The following DIAPH2 variants were observed in gnomAD, a reference collection of about 807,000 sequenced individuals.
DIAPH2 encodes the protein diaphanous related formin 2, also known as protein diaphanous homolog 2.
Under a neutral mutation model 92.7 loss-of-function variants are expected in DIAPH2, and 35 were observed. That is an observed-to-expected ratio of 0.38 (90% CI 0.29 to 0.50). The LOEUF (loss-of-function observed/expected upper bound fraction) is 0.50. DIAPH2 is among the 20% of genes least tolerant of loss of function. DIAPH2 has a pLI of 0.94. For synonymous variants in DIAPH2, 301 were observed against 280.4 expected (o/e 1.07, Z -0.73); for missense variants, 701 against 819.5 (o/e 0.86, Z 1.77).
Position 97,601,446 on chromosome X carries a change from T to TTA in DIAPH2, c.*2129_*2130insTA, listed in dbSNP as rs1556277245. 9.6e-6 allele frequency: 1 copy of TTA among 104,512 alleles called. No homozygotes were observed. The highest frequency in any genetic ancestry group is 4.3e-4 in the South Asian group (1 of 2,315). The allele number at this position is 104,512 out of a possible 1,213,427, so 8.6% of individuals were successfully genotyped here. The stretch of plus-strand genomic sequence containing the variant: ...AATCCCACATGCTTTTCACAAACAT[T>TTA]AAAAAAAAAAACCTTTCAGGGTCTT... On this transcript the variant is annotated 3_prime_UTR_variant, in exon 27 of 27. Coordinates refer to ENST00000324765, the MANE Select transcript of DIAPH2 (RefSeq NM_006729.5).
chrX:96,993,605 C>T (rs2066086240), intron 17 of DIAPH2, among the ~76,000 whole-genome samples: 1 of 111,340 alleles, frequency 9.0e-6, no homozygotes, highest in African/African-American at 3.3e-5. Context: ...GAGAAATCTG[C>T]CCCCATGATG....
chrX:96,842,079 G>A (rs2064940368), intron 4 of DIAPH2, among the ~76,000 whole-genome samples: 1 of 110,946 alleles, frequency 9.0e-6, no homozygotes, highest in Admixed American at 9.6e-5. Context: ...GTTATTTCAG[G>A]CCATCTGGAC....
chrX:97,354,904 A>G (rs1432496210), intron 24 of DIAPH2, among the ~76,000 whole-genome samples: 1 of 112,486 alleles, frequency 8.9e-6, no homozygotes, highest in African/African-American at 3.2e-5. Flanking sequence ...TGGAAGCACC[A>G]TATGAAAATT....
intron 9 of DIAPH2, 93 bp downstream of exon 9, chrX:96,918,710 G>A: frequency 1.6e-6 from 1 of 609,078 alleles, no homozygotes; most frequent in Non-Finnish European, 2.5e-6. Context: ...CATTTAAGTA[G>A]TATGGAATGT....
rs1281039560 is a variant in DIAPH2, at chrX:96,962,354, C to CAT, written c.1936-2729_1936-2728dup. 1.1e-3 allele frequency among the ~76,000 whole-genome samples: 48 copies of CAT among 42,136 alleles called. 1 individual carries two copies. Among genetic ancestry groups the CAT allele is most frequent in the African/African-American group, 3.4e-3 (39 of 11,323 alleles). The allele number at this position is 42,136 out of a possible 115,157, so 36.6% of individuals were successfully genotyped here. On this transcript the variant is annotated intron_variant, in intron 16 of 26. Coordinates refer to ENST00000324765, the MANE Select transcript of DIAPH2 (RefSeq NM_006729.5). Reference sequence around the variant, plus strand: ...ATATATATACATATATATATATACACATATATATATACACATATATATATA... The same window carrying CAT: ...ATATATATACATATATATATATACACATATATATATATACACATATATATATA...
chrX:96,686,716 G>A (rs1030785148), intron 1 of DIAPH2, among the ~76,000 whole-genome samples: 3 of 111,715 alleles, frequency 2.7e-5, no homozygotes, highest in African/African-American at 9.7e-5. Flanking sequence ...ATGTGTCAGA[G>A]TTAACAAAAA....
intron 22 of DIAPH2, among the ~76,000 whole-genome samples, chrX:97,160,082 A>G (rs774218518): frequency 0.021 from 1,117 of 53,688 alleles, 4 homozygotes; most frequent in Non-Finnish European, 0.03. Context: ...GTTTAAGGGG[A>G]TTCATAAAAG....
intron 21 of DIAPH2, among the ~76,000 whole-genome samples, chrX:97,123,504 G>A (rs768283838): frequency 1.8e-5 from 2 of 112,443 alleles, no homozygotes; most frequent in East Asian, 5.6e-4. Context: ...TTTAATTGCT[G>A]TATGTTATTC....
chrX:96,870,911 T>G (rs1031151190), intron 4 of DIAPH2, among the ~76,000 whole-genome samples: 23 of 112,112 alleles, frequency 2.1e-4, no homozygotes, highest in Non-Finnish European at 2.3e-4. Flanking sequence ...TAAACTTGCT[T>G]TGTTACACTG....
intron 21 of DIAPH2, among the ~76,000 whole-genome samples, chrX:97,130,564 A>C (rs987019916): frequency 8.9e-6 from 1 of 112,055 alleles, no homozygotes; most frequent in Non-Finnish European, 1.9e-5. Context: ...TCAAATTTGT[A>C]GAGACAAAAA....
At chrX:97,158,622 G>C (rs1210868146) in intron 22 of DIAPH2, among the ~76,000 whole-genome samples, 1 of 112,233 alleles carries the variant, frequency 8.9e-6, no homozygotes, top group African/African-American at 3.2e-5. Flanking sequence ...AAAGAAAAAA[G>C]AAATCACTCC....
chrX:96,836,711 ATAT>A (rs2064892313), intron 4 of DIAPH2, among the ~76,000 whole-genome samples: 1 of 24,252 alleles, frequency 4.1e-5, no homozygotes, highest in Non-Finnish European at 7.1e-5. Context: ...ATATATATAT[ATAT>A]ATATTTTTTT....
At chrX:97,113,364 T>C (rs1008019761) in intron 20 of DIAPH2, among the ~76,000 whole-genome samples, 16 of 111,751 alleles carry the variant, frequency 1.4e-4, no homozygotes, top group African/African-American at 5.2e-4. Flanking sequence ...AGGTGGCGTG[T>C]TTTATAGTTG....
At chrX:96,701,850 T>C (rs1042485165) in intron 1 of DIAPH2, among the ~76,000 whole-genome samples, 1 of 111,753 alleles carries the variant, frequency 8.9e-6, no homozygotes, top group Non-Finnish European at 1.9e-5. Flanking sequence ...CTACAGTATT[T>C]CAGGTGTTGT....
intron 4 of DIAPH2, among the ~76,000 whole-genome samples, chrX:96,836,915 G>A (rs2064898488): frequency 1.0e-5 from 1 of 100,447 alleles, no homozygotes; most frequent in Admixed American, 1.1e-4. Flanking sequence ...TTTTAGTAGA[G>A]ACGGGGTTTC....
At chrX:97,444,740 A>G (rs747417385) in intron 26 of DIAPH2, among the ~76,000 whole-genome samples, 2 of 112,047 alleles carry the variant, frequency 1.8e-5, no homozygotes, top group Non-Finnish European at 3.8e-5. Flanking sequence ...ATATTTGTGG[A>G]TTTAATTCTA....
intron 26 of DIAPH2, among the ~76,000 whole-genome samples, chrX:97,563,567 A>G (rs1157389129): frequency 8.9e-6 from 1 of 111,789 alleles, no homozygotes; most frequent in African/African-American, 3.3e-5. Context: ...AGGAAACTAA[A>G]GTAGGAGAGT....
chrX:97,485,194 A>G (rs750185415), intron 26 of DIAPH2, among the ~76,000 whole-genome samples: 1 of 112,027 alleles, frequency 8.9e-6, no homozygotes, highest in Non-Finnish European at 1.9e-5. Context: ...TCACACCCAA[A>G]GATAATTCAT....
intron 23 of DIAPH2, among the ~76,000 whole-genome samples, chrX:97,314,591 AAAGAT>A (rs1210305308): frequency 4.5e-5 from 5 of 112,091 alleles, no homozygotes; most frequent in Admixed American, 2.9e-4. Flanking sequence ...AGAATGAGTT[AAAGAT>A]AAGAGTCTAT....
Sources: gnomAD v4.1 joint callset for allele counts (sites outside exome capture counted in the v4.1 genomes callset) on GRCh38, gnomAD v4.1.1 for gene constraint, MANE v1.5 for transcripts, NCBI Gene and HGNC (gene_info 2026-07-23, HGNC 2026-07-21) for gene names.